TOM1L2: variants seen among roughly 807,000 people sequenced by gnomAD.
TOM1L2 encodes the protein target of myb1 like 2 membrane trafficking protein.
A neutral mutation model predicts 67.9 loss-of-function variants in TOM1L2; 31 were observed. That is an observed-to-expected ratio of 0.46 (90% confidence interval 0.34 to 0.62). TOM1L2 has a LOEUF of 0.62. TOM1L2 is among the 20% of genes least tolerant of loss of function. TOM1L2 has a pLI of 0.01. For missense variants in TOM1L2, 606 were observed against 663.5 expected (o/e 0.91, Z 0.95); for synonymous variants, 256 against 254.0 (o/e 1.01, Z -0.07).
chr17:17,883,848 T>G (rs1403517822), intron 5 of TOM1L2, among the ~76,000 whole-genome samples: 2 of 152,200 alleles, frequency 1.3e-5, no homozygotes, highest in Non-Finnish European at 2.9e-5. Flanking sequence ...TGTGCTATCC[T>G]TCTCAGAGAT....
At chr17:17,970,378 A>T (rs1469386416) in intron 1 of TOM1L2, among the ~76,000 whole-genome samples, 1 of 152,086 alleles carries the variant, frequency 6.6e-6, no homozygotes, top group Non-Finnish European at 1.5e-5. Context: ...TTGTATTTTA[A>T]ATCCCCTTTA....
intron 7 of TOM1L2, among the ~76,000 whole-genome samples, chr17:17,876,507 A>G (rs189708003): frequency 1.2e-4 from 19 of 152,350 alleles, no homozygotes; most frequent in Non-Finnish European, 5.9e-5. Flanking sequence ...GTCTTGTTCT[A>G]GTGTCTAAGA....
At chr17:17,897,922 C>CTTT (rs35600233) in intron 3 of TOM1L2, among the ~76,000 whole-genome samples, 11 of 133,610 alleles carry the variant, frequency 8.2e-5, no homozygotes, top group Non-Finnish European at 9.8e-5. Flanking sequence ...TGGAAGTTAA[C>CTTT]TTTTTTTTTT....
In TOM1L2 at chr17:17,848,872, C is replaced by T; in HGVS notation, c.1339-13G>A. 1 of 1,614,146 alleles carries T rather than the reference C, an allele frequency of 6.2e-7. No homozygotes were observed. The highest frequency in any genetic ancestry group is 8.5e-7 in the Non-Finnish European group (1 of 1,180,018). ...GATCATCACCCTTCTGTGGGAGGAG[C>T]AGAGAAAATGAAATTAGGGCACTGG... On this transcript the variant is annotated splice_polypyrimidine_tract_variant and intron_variant, in intron 13 of 14. Transcript: ENST00000379504.
At chr17:17,860,225 C>T (rs150156162) in intron 12 of TOM1L2, among the ~76,000 whole-genome samples, 8 of 152,380 alleles carry the variant, frequency 5.3e-5, no homozygotes, top group African/African-American at 1.7e-4. Flanking sequence ...CTCTCTAATG[C>T]CCACGCTGGG....
intron 1 of TOM1L2, among the ~76,000 whole-genome samples, chr17:17,933,399 C>T (rs1474727773): frequency 6.6e-6 from 1 of 152,192 alleles, no homozygotes; most frequent in African/African-American, 2.4e-5. Context: ...TATAGCTGGG[C>T]ACATAGGCAA....
intron 1 of TOM1L2, among the ~76,000 whole-genome samples, chr17:17,925,909 G>A (rs1233000668): frequency 1.3e-5 from 2 of 150,522 alleles, no homozygotes; most frequent in Non-Finnish European, 3.0e-5. Flanking sequence ...GGTGCCTCAT[G>A]CCCATAATCC....
intron 1 of TOM1L2, among the ~76,000 whole-genome samples, chr17:17,963,534 T>C (rs910565094): frequency 4.6e-5 from 7 of 152,192 alleles, no homozygotes; most frequent in Non-Finnish European, 1.5e-5. Context: ...TTTCTTCACC[T>C]GTAAGATGAA....
At chr17:17,892,891 G>A (rs549888268) in intron 4 of TOM1L2, among the ~76,000 whole-genome samples, 1 of 152,290 alleles carries the variant, frequency 6.6e-6, no homozygotes, top group East Asian at 1.9e-4. Context: ...AAGGAACTGA[G>A]GCTTCCTGCC....
intron 12 of TOM1L2, 195 bp from the exon 13 acceptor site, chr17:17,851,147 A>C: frequency 1.7e-6 from 1 of 600,724 alleles, no homozygotes; most frequent in Non-Finnish European, 3.0e-6. Flanking sequence ...TGAGGAAAGC[A>C]ATGAGGTGCA....
At chr17:17,870,900 C>T (rs943304067) in intron 7 of TOM1L2, among the ~76,000 whole-genome samples, 1 of 152,226 alleles carries the variant, frequency 6.6e-6, no homozygotes, top group Admixed American at 6.5e-5. Flanking sequence ...AGGCATCCCC[C>T]CTGCATGTCC....
intron 1 of TOM1L2, among the ~76,000 whole-genome samples, chr17:17,934,513 A>G (rs2040444904): frequency 1.3e-5 from 2 of 152,352 alleles, no homozygotes; most frequent in Non-Finnish European, 1.5e-5. Flanking sequence ...CTAGCCCCTG[A>G]TACGGTAACA....
At chr17:17,848,254 GT>G (rs2086006736) in intron 14 of TOM1L2, among the ~76,000 whole-genome samples, 2 of 152,322 alleles carry the variant, frequency 1.3e-5, no homozygotes, top group East Asian at 3.9e-4. Context: ...GTCCTCTGAA[GT>G]TTCCCTCCCT....
intron 12 of TOM1L2, among the ~76,000 whole-genome samples, chr17:17,852,632 G>C (rs1355808004): frequency 6.6e-6 from 1 of 152,152 alleles, no homozygotes; most frequent in Non-Finnish European, 1.5e-5. Flanking sequence ...TTGGGAGGCC[G>C]AGGCGGGCAG....
chr17:17,873,954 A>C (rs921269528), intron 7 of TOM1L2, among the ~76,000 whole-genome samples: 1 of 149,402 alleles, frequency 6.7e-6, no homozygotes, highest in African/African-American at 2.5e-5. Flanking sequence ...TTATTTACTT[A>C]CTTATTTTTT....
intron 1 of TOM1L2, among the ~76,000 whole-genome samples, chr17:17,960,302 A>T (rs1362173248): frequency 6.6e-6 from 1 of 152,082 alleles, no homozygotes; most frequent in Non-Finnish European, 1.5e-5. Flanking sequence ...CTGCTCTGCC[A>T]CTGATAATCC....
chr17:17,862,939 T>C (rs73979209), intron 10 of TOM1L2, 91 bp from the exon 11 acceptor site: 13,018 of 341,660 alleles, frequency 0.038, 975 homozygotes, highest in African/African-American at 0.25. Context: ...GCCAGCCAGG[T>C]GGGTTTAGGT....
At chr17:17,946,132 C>T (rs954719711) in intron 1 of TOM1L2, among the ~76,000 whole-genome samples, 1 of 152,244 alleles carries the variant, frequency 6.6e-6, no homozygotes, top group East Asian at 1.9e-4. Context: ...CCTGCCTCAG[C>T]CTCCGAAAGT....
In TOM1L2 at chr17:17,847,717, G is replaced by T; in HGVS notation, c.1442C>A (p.Pro481His). 6.2e-7 allele frequency: 1 copy of T among 1,614,068 alleles called. No homozygotes were observed. Among genetic ancestry groups the T allele is most frequent in the Non-Finnish European group, 8.5e-7 (1 of 1,180,014 alleles). ...TGAGGCTGGGGCAGGAGCCTCCATG[G>T]GGGGCGAGGGGAGGTCGGGAACCAT... ...AEMVPDLPSP[P>H]MEAPAPASNP... The change falls in exon 15 of 15, where the codon CCC becomes CAC. Residue 481 changes from proline (P) to histidine (H), a missense_variant. Physicochemically the swap from Pro to His is moderately conservative, Grantham distance 77 (BLOSUM62 -2). This residue lies in a region of TOM1L2 where 543 missense variants were observed against 554.0 expected (regional missense o/e 0.98). Coordinates refer to ENST00000379504, the MANE Select transcript of TOM1L2 (RefSeq NM_001082968.2).
Sources: gnomAD v4.1 joint callset for allele counts (sites outside exome capture counted in the v4.1 genomes callset) on GRCh38, gnomAD v4.1.1 for gene constraint, gnomAD v4.1.1 regional missense constraint, MANE v1.5 for transcripts, NCBI Gene and HGNC (gene_info 2026-07-23, HGNC 2026-07-21) for gene names.